EAF1: variants seen among roughly 807,000 people sequenced by gnomAD.
EAF1 encodes ELL associated factor 1.
A neutral mutation model predicts 26.6 loss-of-function variants in EAF1; 19 were observed. That is an observed-to-expected ratio of 0.71 (90% confidence interval 0.50 to 1.05). The LOEUF (loss-of-function observed/expected upper bound fraction) is 1.05. Ranked by LOEUF, EAF1 falls within the 50% of genes least tolerant of loss-of-function variation. The probability of loss-of-function intolerance (pLI) is 0.00; values close to 1 mark genes in which losing one functional copy is unlikely to be tolerated. For synonymous variants in EAF1, 102 were observed against 120.6 expected, an observed-to-expected ratio of 0.85 and a Z score of 1.01; for missense variants, 260 against 335.5, an observed-to-expected ratio of 0.78 and a Z score of 1.76.
In EAF1 at chr3:15,429,977, T is replaced by C. The variant is rs373829824; in HGVS notation, c.168T>C (p.Asp56=). ...GAGAGCTTCAAGTTGGCAAAGGAGA[T>C]GAAGTCACAATTACACTGCCACATA... ...CEGELQVGKG[D]EVTITLPHIP... Residue 56 remains aspartate, a synonymous_variant, in exon 2 of 6, where the codon GAT becomes GAC. Transcript: ENST00000396842. 1.4e-4 allele frequency: 219 copies of C among 1,612,716 alleles called. No individual in the cohort carries two copies. Among genetic ancestry groups the C allele is most frequent in the Non-Finnish European group, 1.7e-4 (198 of 1,179,412 alleles).
chr3:15,434,514 C>T lies in EAF1; in HGVS notation c.502C>T (p.Pro168Ser). 2 of 1,614,196 alleles carry T rather than the reference C, an allele frequency of 1.2e-6. No individual in the cohort carries two copies. Among genetic ancestry groups the T allele is most frequent in the Non-Finnish European group, 1.7e-6 (2 of 1,180,038 alleles). ...SPLKDNPSPE[P>S]QLDDIKRELR... ...CTTGAAAGATAACCCCTCACCTGAA[C>T]CTCAGTTGGATGACATCAAAAGAGG... is the stretch of plus-strand genomic sequence containing the variant. Residue 168 changes from proline to serine, a missense_variant, in exon 4 of 6, where the codon CCT (proline) becomes TCT (serine). Pro to Ser is a moderately conservative substitution (Grantham distance 74, BLOSUM62 -1). Transcript: ENST00000396842.
rs908976532 is a variant in EAF1 at position 15,434,559 on chromosome 3, C to G, written c.526+21C>G. On this transcript the variant is annotated intron_variant, in intron 4 of 5. Coordinates refer to ENST00000396842, the MANE Select transcript of EAF1 (RefSeq NM_033083.7). ...AAGAGGTAGAGAACATTTTCTGGAT[C>G]CATGATAGCAACTTGGAGTAGAGTG... 1.9e-6 allele frequency: 3 copies of G among 1,612,700 alleles called. No homozygotes were observed. The Admixed American group carries it at 5.0e-5, about 27-fold the overall frequency.
At chr3:15,429,809 T>C (rs2061792054) in intron 1 of EAF1, 104 bp from the exon 2 acceptor site, 1 of 736,018 alleles carries the variant, frequency 1.4e-6, no homozygotes, top group Non-Finnish European at 2.3e-6. Flanking sequence ...TATTTTTATT[T>C]TCCATTCATC....
chr3:15,430,859 CCT>C (rs1329951345), intron 2 of EAF1, among the ~76,000 whole-genome samples: 4 of 152,114 alleles, frequency 2.6e-5, no homozygotes, highest in African/African-American at 9.7e-5. Context: ...ATGTCACACC[CCT>C]GTCCTGGAAC....
intron 4 of EAF1, among the ~76,000 whole-genome samples, chr3:15,435,299 T>A (rs1193846045): frequency 6.6e-6 from 1 of 152,212 alleles, no homozygotes; most frequent in African/African-American, 2.4e-5. Context: ...ATGGTTTTAG[T>A]CCTCCAGACT....
rs1420541190 is a variant in EAF1, at chr3:15,439,824, G to A, written c.*669G>A. 6.6e-6 allele frequency: 1 copy of A among 152,250 alleles called. No individual in the cohort carries two copies. Among genetic ancestry groups the A allele is most frequent in the Non-Finnish European group, 1.5e-5 (1 of 68,062 alleles). The allele number at this position is 152,250 out of a possible 1,614,324, so 9.4% of individuals were successfully genotyped here. ...GGCCAGTCTCCTGCCCCCTCTCTGG[G>A]CTTTCCTCACTGTTCTCTCCCTTGA... On this transcript the variant is annotated 3_prime_UTR_variant, in exon 6 of 6. Transcript: ENST00000396842.
intron 3 of EAF1, 141 bp from the exon 4 acceptor site, chr3:15,434,207 C>A: frequency 1.1e-6 from 1 of 923,764 alleles, no homozygotes; most frequent in Non-Finnish European, 1.6e-6. Flanking sequence ...GCTCACATGA[C>A]AAAATTACAA....
chr3:15,435,476 T>G (rs2061829105), intron 4 of EAF1, among the ~76,000 whole-genome samples: 1 of 146,736 alleles, frequency 6.8e-6, no homozygotes, highest in Non-Finnish European at 1.5e-5. Flanking sequence ...GTTTTGTCCC[T>G]TTTTTTTTTT....
chr3:15,436,037 T>C (rs1358955260), intron 4 of EAF1: 4 of 187,220 alleles, frequency 2.1e-5, no homozygotes, highest in Non-Finnish European at 4.4e-5. Flanking sequence ...TCATAATTTT[T>C]CTTTTAGTAG....
In EAF1 at chr3:15,434,340, C is replaced by A. The variant is rs777706503; in HGVS notation, c.336-8C>A. ...CCCTGCTAATTTAATGTCTGTATCT[C>A]CTTTCAGAGCTGAGGGCAGCAGTAA... On this transcript the variant is annotated splice_polypyrimidine_tract_variant and splice_region_variant and intron_variant, in intron 3 of 5. Coordinates refer to ENST00000396842, the MANE Select transcript of EAF1 (RefSeq NM_033083.7). 6.2e-7 allele frequency: 1 copy of A among 1,612,860 alleles called. No individual in the cohort carries two copies. The highest frequency in any genetic ancestry group is 1.1e-5 in the South Asian group (1 of 91,064).
intron 3 of EAF1, among the ~76,000 whole-genome samples, chr3:15,433,930 A>T (rs1026817271): frequency 6.6e-6 from 1 of 152,210 alleles, no homozygotes; most frequent in South Asian, 2.1e-4. Context: ...AAAAAATTAT[A>T]TGCTATATTG....
intron 5 of EAF1, 72 bp from the exon 6 acceptor site, chr3:15,439,037 T>G: frequency 6.9e-7 from 1 of 1,452,022 alleles, no homozygotes; most frequent in East Asian, 2.5e-5. Context: ...CAAAAAATTA[T>G]GAGGAAGTCA....
chr3:15,432,045 G>A, intron 2 of EAF1, 42 bp from the exon 3 acceptor site: 1 of 1,594,188 alleles, frequency 6.3e-7, no homozygotes, highest in Non-Finnish European at 8.5e-7. Flanking sequence ...ATTCATAACT[G>A]GTATGTTTAG....
At chr3:15,433,390 A>G (rs913376723) in intron 3 of EAF1, among the ~76,000 whole-genome samples, 11 of 152,158 alleles carry the variant, frequency 7.2e-5, no homozygotes, top group South Asian at 2.1e-4. Flanking sequence ...TATTCCTCCA[A>G]TATCTGATGG....
At chr3:15,430,242 T>C (rs977872115) in intron 2 of EAF1, among the ~76,000 whole-genome samples, 8 of 151,890 alleles carry the variant, frequency 5.3e-5, no homozygotes, top group African/African-American at 1.9e-4. Context: ...GTGGATAGCT[T>C]GAGTTCAGGA....
At chr3:15,437,426 T>C (rs1401790573) in intron 5 of EAF1, among the ~76,000 whole-genome samples, 1 of 151,780 alleles carries the variant, frequency 6.6e-6, no homozygotes, top group African/African-American at 2.4e-5. Context: ...GTGCCGAGAT[T>C]ATAGGCATGA....
At chr3:15,438,822 G>A in intron 5 of EAF1, 1 of 262,770 alleles carries the variant, frequency 3.8e-6, no homozygotes, top group South Asian at 5.7e-5. Context: ...ACTGCGCCCA[G>A]ACATATTTTA....
In EAF1 at chr3:15,438,102, G is replaced by GA. The variant is rs141987489; in HGVS notation, c.761-1005dup. Among the ~76,000 whole-genome samples, 16 of 152,330 alleles carry GA rather than the reference G, an allele frequency of 1.1e-4. No individual in the cohort carries two copies. In the East Asian group the frequency reaches 3.1e-3, roughly 29 times the overall value. ...CAGACCCCCCTGAAAGGGTTTCATG[G>GA]AACCCCGAGTCCTCAGAATAGACTT... is the stretch of plus-strand genomic sequence containing the variant. On this transcript the variant is annotated intron_variant, in intron 5 of 5. Transcript: ENST00000396842.
In EAF1 at chr3:15,439,266, T is replaced by C. The variant is rs1335700484; in HGVS notation, c.*111T>C. ...AAATGTTATGGATCAGTGACTGTAG[T>C]AGGAGTTTGAGGCTCTGGAACTCTC... On this transcript the variant is annotated 3_prime_UTR_variant, in exon 6 of 6. Transcript: ENST00000396842. 6 of 1,071,258 alleles carry C rather than the reference T, an allele frequency of 5.6e-6. 1 individual carries two copies. In the African/African-American group the frequency reaches 9.5e-5, roughly 17 times the overall value. 66.4% of individuals were successfully genotyped at this position (1,071,258 alleles called of 1,614,324 possible).
Sources: allele counts gnomAD v4.1 joint callset (sites outside exome capture counted in the v4.1 genomes callset), GRCh38; gene constraint gnomAD v4.1.1; transcripts MANE v1.5; gene names NCBI Gene and HGNC (gene_info 2026-07-23, HGNC 2026-07-21).